Variants in CSMD1 observed in about 807,000 individuals in gnomAD.
CSMD1 encodes the protein CUB and sushi domain-containing protein 1.
CSMD1 carries 213 observed loss-of-function variants against 417.5 expected under a neutral mutation model. That is an observed-to-expected ratio of 0.51 (90% CI 0.46 to 0.57). The LOEUF is 0.57. CSMD1 is among the 20% of genes least tolerant of loss of function. The pLI, the probability that CSMD1 is intolerant of heterozygous loss-of-function variation, is 0.00. For synonymous variants in CSMD1, 2,862 were observed against 1,736.8 expected (o/e 1.65, Z -16.11); for missense variants, 6,923 against 4,529.7 (o/e 1.53, Z -15.17).
intron 5 of CSMD1, among the ~76,000 whole-genome samples, chr8:3,848,803 A>T (rs1347038389): frequency 6.6e-6 from 1 of 152,064 alleles, no homozygotes; most frequent in Non-Finnish European, 1.5e-5. Context: ...AATGATTAGC[A>T]GCGATTTTAA....
chr8:3,955,691 G>C (rs968000075), intron 5 of CSMD1, among the ~76,000 whole-genome samples: 1 of 152,084 alleles, frequency 6.6e-6, no homozygotes, highest in Non-Finnish European at 1.5e-5. Flanking sequence ...TGAGGAAAGA[G>C]GATGAATACG....
At chr8:4,479,217 C>T (rs1411789122) in intron 2 of CSMD1, among the ~76,000 whole-genome samples, 1 of 152,068 alleles carries the variant, frequency 6.6e-6, no homozygotes, top group Non-Finnish European at 1.5e-5. Context: ...TGAGAAGATA[C>T]CCCTGGAATT....
At chr8:4,948,115 G>T (rs62488206) in intron 1 of CSMD1, among the ~76,000 whole-genome samples, 2 of 151,806 alleles carry the variant, frequency 1.3e-5, no homozygotes, top group Non-Finnish European at 2.9e-5. Context: ...TTTCCAAATG[G>T]TCGTATCAAT....
At position 4,431,540 on chromosome 8, in the gene CSMD1, G is replaced by A. The variant is rs144048332; in HGVS notation, c.303-11475C>T. On this transcript the variant is annotated intron_variant, in intron 2 of 69. Coordinates refer to ENST00000635120, the MANE Select transcript of CSMD1 (RefSeq NM_033225.6). ...GTTACACTTTATAACACCCGACCCT[G>A]ATAATCTACACCAGCCCCGGCCCCA... Among the ~76,000 whole-genome samples the A allele has an allele frequency of 6.6e-5, 10 of 151,734 alleles. No individual in the cohort carries two copies. In the East Asian group the frequency reaches 2.0e-3, roughly 30 times the overall value.
At chr8:3,539,778 A>AAC (rs1798361085) in intron 10 of CSMD1, among the ~76,000 whole-genome samples, 2 of 150,262 alleles carry the variant, frequency 1.3e-5, no homozygotes, top group African/African-American at 2.5e-5. Context: ...AAAAAAAAAA[A>AAC]CACAAGAAAG....
chr8:4,730,726 G>C (rs1417643146), intron 1 of CSMD1, among the ~76,000 whole-genome samples: 1 of 151,506 alleles, frequency 6.6e-6, no homozygotes. Context: ...GGGCGACAGA[G>C]CGAGACTCCA....
Position 3,348,169 on chromosome 8 carries a change from A to C in CSMD1, c.3305-8T>G. Reference sequence around the variant, plus strand: ...CACTTGCTCCACATTCGGCTACAATAAATAGGACATGAGAGAAAGAGGATT... The same window carrying C: ...CACTTGCTCCACATTCGGCTACAATCAATAGGACATGAGAGAAAGAGGATT... On this transcript the variant is annotated splice_region_variant and splice_polypyrimidine_tract_variant and intron_variant, in intron 21 of 69. Coordinates refer to ENST00000635120, the MANE Select transcript of CSMD1 (RefSeq NM_033225.6). 6.2e-7 allele frequency: 1 copy of C among 1,608,342 alleles called. No individual in the cohort carries two copies. The highest frequency in any genetic ancestry group is 8.5e-7 in the Non-Finnish European group (1 of 1,177,184).
Position 4,821,234 on chromosome 8 carries a change from A to G in CSMD1, c.85+173098T>C, listed in dbSNP as rs60308406. ...AAGGAAAAACATTCTTACAATTATA[A>G]AGGATTATTACGCAGACTCCAGTTC... On this transcript the variant is annotated intron_variant, in intron 1 of 69. Coordinates refer to ENST00000635120, the MANE Select transcript of CSMD1 (RefSeq NM_033225.6). Among the ~76,000 whole-genome samples the G allele has an allele frequency of 4.2e-3, 637 of 152,268 alleles. 8 individuals are homozygous for G. The highest frequency in any genetic ancestry group is 0.014 in the African/African-American group (579 of 41,544).
At chr8:3,909,523 C>T (rs1007728182) in intron 5 of CSMD1, among the ~76,000 whole-genome samples, 6 of 152,082 alleles carry the variant, frequency 3.9e-5, no homozygotes, top group Non-Finnish European at 5.9e-5. Flanking sequence ...GTTCCCACAG[C>T]GTGGTCGCTC....
intron 1 of CSMD1, among the ~76,000 whole-genome samples, chr8:4,859,913 T>C (rs1427451593): frequency 6.6e-6 from 1 of 152,164 alleles, no homozygotes; most frequent in Non-Finnish European, 1.5e-5. Context: ...TTACTGGGTA[T>C]ATACCCAAAG....
At chr8:4,239,740 T>G (rs1045073206) in intron 3 of CSMD1, among the ~76,000 whole-genome samples, 1 of 152,080 alleles carries the variant, frequency 6.6e-6, no homozygotes, top group Non-Finnish European at 1.5e-5. Flanking sequence ...GAAAGGTGGG[T>G]GGTGGTTTCT....
At chr8:4,993,875 G>C (rs887079607) in intron 1 of CSMD1, among the ~76,000 whole-genome samples, 2 of 152,100 alleles carry the variant, frequency 1.3e-5, no homozygotes, top group Non-Finnish European at 2.9e-5. Context: ...AACCCCCGTA[G>C]AGAGCCCGAA....
At chr8:4,541,964 T>G (rs1797407579) in intron 2 of CSMD1, among the ~76,000 whole-genome samples, 1 of 152,154 alleles carries the variant, frequency 6.6e-6, no homozygotes, top group Admixed American at 6.5e-5. Context: ...AGATGAGGCC[T>G]GACTGACCTC....
intron 2 of CSMD1, among the ~76,000 whole-genome samples, chr8:4,552,095 G>A (rs147649112): frequency 4.6e-5 from 7 of 152,262 alleles, no homozygotes; most frequent in East Asian, 1.9e-4. Context: ...ACTGACATAT[G>A]CTAGCACTGA....
intron 33 of CSMD1, among the ~76,000 whole-genome samples, chr8:3,195,740 T>C (rs1796669946): frequency 1.3e-5 from 2 of 152,124 alleles, no homozygotes; most frequent in Non-Finnish European, 2.9e-5. Context: ...GCTAAGAAAC[T>C]GGTATAAAAC....
rs754490741 is a variant in CSMD1 at position 4,573,615 on chromosome 8, G to T, written c.302+63727C>A. Among the ~76,000 whole-genome samples the T allele has an allele frequency of 4.6e-5, 7 of 152,230 alleles. No homozygotes were observed. In the South Asian group the frequency reaches 1.5e-3, roughly 32 times the overall value. On this transcript the variant is annotated intron_variant, in intron 2 of 69. Coordinates refer to ENST00000635120, the MANE Select transcript of CSMD1 (RefSeq NM_033225.6). ...GTATGGGGGTCAGGGTCCCACTTGA[G>T]GGGGCGGTCTTTCCCTTAGCAGAGC...
At chr8:4,379,509 G>A (rs894028345) in intron 3 of CSMD1, among the ~76,000 whole-genome samples, 6 of 152,174 alleles carry the variant, frequency 3.9e-5, no homozygotes, top group African/African-American at 1.4e-4. Context: ...GTTAGCACTG[G>A]AAGGCAAGTG....
chr8:4,334,568 A>G (rs1800055942), intron 3 of CSMD1, among the ~76,000 whole-genome samples: 1 of 152,176 alleles, frequency 6.6e-6, no homozygotes, highest in Non-Finnish European at 1.5e-5. Flanking sequence ...AGATTGATGG[A>G]TGACAGAGAG....
At chr8:4,943,162 T>G (rs1808131922) in intron 1 of CSMD1, among the ~76,000 whole-genome samples, 1 of 152,190 alleles carries the variant, frequency 6.6e-6, no homozygotes, top group Admixed American at 6.5e-5. Context: ...TAGTAAGGTC[T>G]TCATTATGTA....
Sources: allele counts gnomAD v4.1 joint callset (sites outside exome capture counted in the v4.1 genomes callset), GRCh38; gene constraint gnomAD v4.1.1; transcripts MANE v1.5; gene names NCBI Gene and HGNC (gene_info 2026-07-23, HGNC 2026-07-21).